The following INPP4B variants were observed in gnomAD, a reference collection of about 807,000 sequenced individuals.
INPP4B encodes the protein inositol polyphosphate 4-phosphatase type II.
A neutral mutation model predicts 122.5 loss-of-function variants in INPP4B; 55 were observed. The ratio of observed to expected loss-of-function variants is 0.45; its 90% confidence interval spans 0.36 to 0.56. INPP4B has a LOEUF of 0.56. INPP4B is among the 20% of genes least tolerant of loss of function. The probability of loss-of-function intolerance (pLI) is 0.00; values close to 1 mark genes in which losing one functional copy is unlikely to be tolerated. For synonymous variants in INPP4B, 403 were observed against 388.7 expected, an observed-to-expected ratio of 1.04 and a Z score of -0.43; for missense variants, 1,000 against 1,097.7, an observed-to-expected ratio of 0.91 and a Z score of 1.26.
At chr4:142,564,448 AAAAAAAGAAAG>A (rs1731151137) in intron 2 of INPP4B, among the ~76,000 whole-genome samples, 1 of 82,818 alleles carries the variant, frequency 1.2e-5, no homozygotes, top group Non-Finnish European at 3.0e-5. Context: ...GCAAAAAAAA[AAAAAAAGAAAG>A]AAAGAAAGAA....
intron 23 of INPP4B, among the ~76,000 whole-genome samples, chr4:142,106,442 G>A (rs553955976): frequency 3.9e-5 from 6 of 152,074 alleles, no homozygotes; most frequent in Admixed American, 2.0e-4. Flanking sequence ...CACCATGCCC[G>A]GCTAATTTTT....
At chr4:142,073,423 T>C (rs1768704414) in intron 25 of INPP4B, among the ~76,000 whole-genome samples, 1 of 152,122 alleles carries the variant, frequency 6.6e-6, no homozygotes, top group South Asian at 2.1e-4. Flanking sequence ...CAGTTTTCTT[T>C]AGAAATTGGC....
intron 23 of INPP4B, among the ~76,000 whole-genome samples, chr4:142,099,149 T>C (rs2152628084): frequency 6.6e-6 from 1 of 152,280 alleles, no homozygotes; most frequent in Middle Eastern, 3.4e-3. Context: ...GTTACATGGA[T>C]AAAAGACTTA....
At chr4:142,032,384 G>A (rs1183466156) in intron 25 of INPP4B, among the ~76,000 whole-genome samples, 1 of 152,076 alleles carries the variant, frequency 6.6e-6, no homozygotes. Flanking sequence ...AATCCAAATA[G>A]AGACAAGGAC....
intron 1 of INPP4B, among the ~76,000 whole-genome samples, chr4:142,775,803 C>A (rs1203271410): frequency 6.6e-6 from 1 of 152,074 alleles, no homozygotes; most frequent in Non-Finnish European, 1.5e-5. Flanking sequence ...AGGAAGGAAG[C>A]ATCTCATTTC....
chr4:142,651,638 C>G (rs967292801), intron 2 of INPP4B, among the ~76,000 whole-genome samples: 8 of 152,094 alleles, frequency 5.3e-5, no homozygotes, highest in African/African-American at 1.7e-4. Context: ...GGATAAGTTC[C>G]TGGACACATA....
intron 3 of INPP4B, among the ~76,000 whole-genome samples, chr4:142,455,715 T>C (rs1352036447): frequency 1.3e-5 from 2 of 152,070 alleles, no homozygotes; most frequent in Non-Finnish European, 2.9e-5. Context: ...TTTTAGTCTT[T>C]TGAGGAAACA....
At chr4:142,419,296 C>G (rs944289460) in intron 5 of INPP4B, among the ~76,000 whole-genome samples, 1 of 152,090 alleles carries the variant, frequency 6.6e-6, no homozygotes, top group African/African-American at 2.4e-5. Flanking sequence ...GCAAGAGTTA[C>G]ACATTTTGAA....
intron 25 of INPP4B, among the ~76,000 whole-genome samples, chr4:142,079,635 A>G (rs1380325389): frequency 6.6e-6 from 1 of 152,108 alleles, no homozygotes; most frequent in Non-Finnish European, 1.5e-5. Context: ...TTTATCTTAA[A>G]TTCTACGATT....
Position 142,313,059 on chromosome 4 carries a change from G to A in INPP4B, c.423+1653C>T, listed in dbSNP as rs146984611. On this transcript the variant is annotated intron_variant, in intron 8 of 25. Transcript: ENST00000262992. ...ACATTAGGCTTCCTCCCCACTGCAC[G>A]TTGCTAGAGTCACAGAAAGTCTAGC... 7.3e-3 allele frequency among the ~76,000 whole-genome samples: 1,115 copies of A among 152,304 alleles called. 8 individuals are homozygous for A. Among genetic ancestry groups the A allele is most frequent in the Middle Eastern group, 0.014 (4 of 294 alleles).
At chr4:142,372,705 A>C (rs1790367350) in intron 7 of INPP4B, among the ~76,000 whole-genome samples, 1 of 152,102 alleles carries the variant, frequency 6.6e-6, no homozygotes, top group Non-Finnish European at 1.5e-5. Flanking sequence ...TGCCTCTGAC[A>C]GAGCAGTTTC....
At position 142,599,114 on chromosome 4, in the gene INPP4B, C is replaced by G. The variant is rs534827401; in HGVS notation, c.-191+126725G>C. ...CAATACCAGTAAGTATGTCTTGGGA[C>G]CCAGTTGATCATCTTGCCACAGCTA... On this transcript the variant is annotated intron_variant, in intron 2 of 25. Coordinates refer to ENST00000262992, the MANE Select transcript of INPP4B (RefSeq NM_001101669.3). Among the ~76,000 whole-genome samples the G allele has an allele frequency of 1.5e-4, 23 of 151,568 alleles. No homozygotes were observed. The South Asian group carries it at 3.9e-3, about 26-fold the overall frequency.
At chr4:142,317,343 G>A (rs1768112728) in intron 7 of INPP4B, 2 of 359,038 alleles carry the variant, frequency 5.6e-6, no homozygotes, top group East Asian at 8.8e-5. Context: ...AATGGGAAAT[G>A]ACTGATGGCT....
intron 17 of INPP4B, among the ~76,000 whole-genome samples, chr4:142,147,957 T>C (rs993865032): frequency 6.6e-6 from 1 of 152,180 alleles, no homozygotes; most frequent in African/African-American, 2.4e-5. Flanking sequence ...AGTAACCTGA[T>C]GGTCTTGACA....
chr4:142,169,480 G>A (rs79232746), intron 16 of INPP4B, among the ~76,000 whole-genome samples: 4,301 of 151,724 alleles, frequency 0.028, 189 homozygotes, highest in African/African-American at 0.098. Flanking sequence ...TCTATTATGT[G>A]TATCTTCAAC....
At chr4:142,520,039 T>C (rs749726210) in intron 2 of INPP4B, among the ~76,000 whole-genome samples, 1 of 152,050 alleles carries the variant, frequency 6.6e-6, no homozygotes, top group Admixed American at 6.6e-5. Flanking sequence ...TAAATTAACC[T>C]AAACAATATT....
intron 2 of INPP4B, among the ~76,000 whole-genome samples, chr4:142,709,936 C>T (rs542780131): frequency 3.0e-4 from 45 of 152,174 alleles, no homozygotes; most frequent in Non-Finnish European, 5.6e-4. Context: ...ATAATCATTT[C>T]TATTGGCGTA....
At chr4:142,796,222 G>A (rs997633452) in intron 1 of INPP4B, among the ~76,000 whole-genome samples, 1 of 152,030 alleles carries the variant, frequency 6.6e-6, no homozygotes, top group African/African-American at 2.4e-5. Context: ...GAATTAAGGA[G>A]AAGTAAACAG....
chr4:142,146,117 C>G, intron 17 of INPP4B, 121 bp from the exon 18 acceptor site: 2 of 1,047,642 alleles, frequency 1.9e-6, no homozygotes, highest in Non-Finnish European at 2.8e-6. Context: ...GATTGAGTAG[C>G]TCTAAATTCC....
Sources: gnomAD v4.1 joint callset for allele counts (sites outside exome capture counted in the v4.1 genomes callset) on GRCh38, gnomAD v4.1.1 for gene constraint, MANE v1.5 for transcripts, NCBI Gene and HGNC (gene_info 2026-07-23, HGNC 2026-07-21) for gene names.